The following DYNLRB2 variants were observed in gnomAD, a reference collection of about 807,000 sequenced individuals.
The protein encoded by DYNLRB2 is bithoraxoid-like protein.
DYNLRB2 carries 14 observed loss-of-function variants against 12.6 expected under a neutral mutation model. That is an observed-to-expected ratio of 1.11 (90% CI 0.73 to 1.73). The LOEUF (loss-of-function observed/expected upper bound fraction) is 1.73. DYNLRB2 is among the 40% of genes most tolerant of loss of function. The pLI, the probability that DYNLRB2 is intolerant of heterozygous loss-of-function variation, is 0.00. For synonymous variants in DYNLRB2, 53 were observed against 37.0 expected (o/e 1.43, Z -1.57); for missense variants, 142 against 117.7 (o/e 1.21, Z -0.95).
rs575077879 is a variant in DYNLRB2, at chr16:80,549,556, T to A, written c.152T>A (p.Met51Lys). ...GCAGGCCTTCTTCATCACCTGACAATGAAAGCCAAAAGCACAGTTCGTGAT... is the reference window on the plus strand; with the variant it reads ...GCAGGCCTTCTTCATCACCTGACAAAGAAAGCCAAAAGCACAGTTCGTGAT... ...QYAGLLHHLT[M>K]KAKSTVRDID... The change falls in exon 3 of 4, where the codon ATG becomes AAG. Residue 51 changes from methionine to lysine, a missense_variant. Met to Lys is a moderately conservative substitution (Grantham distance 95, BLOSUM62 -1). Transcript: ENST00000305904. 3.7e-6 allele frequency: 6 copies of A among 1,613,500 alleles called. No individual in the cohort carries two copies. The South Asian group carries it at 5.5e-5, about 15-fold the overall frequency.
At chr16:80,549,692 A>G in intron 3 of DYNLRB2, 41 bp downstream of exon 3, 1 of 1,536,390 alleles carries the variant, frequency 6.5e-7, no homozygotes, top group Non-Finnish European at 8.8e-7. Context: ...CATCTTTCTA[A>G]TTTGCTAGAT....
intron 1 of DYNLRB2, chr16:80,541,340 A>G: frequency 2.0e-6 from 2 of 984,428 alleles, no homozygotes; most frequent in Non-Finnish European, 2.4e-6. Context: ...GAAAGGGAAG[A>G]GAGAGATTCA....
At position 80,541,008 on chromosome 16, in the gene DYNLRB2, C is replaced by T. The variant is rs751774105; in HGVS notation, c.-69C>T. On this transcript the variant is annotated 5_prime_UTR_variant, in exon 1 of 4. Coordinates refer to ENST00000305904, the MANE Select transcript of DYNLRB2 (RefSeq NM_130897.3). The stretch of plus-strand genomic sequence containing the variant: ...TTCCTTTTTTGTCTCCTAGCAACGG[C>T]GGGTAGCGTTGTTGACATCCCGGGA... 3.0e-5 allele frequency: 48 copies of T among 1,579,574 alleles called. No individual in the cohort carries two copies. Among genetic ancestry groups the T allele is most frequent in the Non-Finnish European group, 4.1e-5 (47 of 1,158,962 alleles).
At chr16:80,541,175 C>T in intron 1 of DYNLRB2, 96 bp downstream of exon 1, 1 of 1,502,560 alleles carries the variant, frequency 6.7e-7, no homozygotes, top group Non-Finnish European at 8.9e-7. Context: ...CAGGCACGGG[C>T]GGTCCAGGGG....
chr16:80,540,741 T>C, upstream of DYNLRB2: 6 of 702,674 alleles, frequency 8.5e-6, no homozygotes, highest in Non-Finnish European at 1.6e-5. Flanking sequence ...TAAGTGGTTA[T>C]CACATTAATT....
chr16:80,550,475 T>A, intron 3 of DYNLRB2, 40 bp from the exon 4 acceptor site: 1 of 1,611,284 alleles, frequency 6.2e-7, no homozygotes, highest in African/African-American at 1.3e-5. Context: ...TTGATTAAAT[T>A]TAAATTAAGG....
At chr16:80,548,988 A>G (rs1288094819) in intron 2 of DYNLRB2, 2 of 455,890 alleles carry the variant, frequency 4.4e-6, no homozygotes, top group Admixed American at 4.7e-5. Flanking sequence ...TTCAGAGCAG[A>G]CTCACTATAG....
chr16:80,547,590 G>A (rs980397873), intron 2 of DYNLRB2, among the ~76,000 whole-genome samples: 1 of 152,130 alleles, frequency 6.6e-6, no homozygotes, highest in African/African-American at 2.4e-5. Context: ...TCATAATCCT[G>A]TCATCTACAT....
chr16:80,540,976 G>C (rs1297733508), upstream of DYNLRB2: 41 of 1,574,520 alleles, frequency 2.6e-5, no homozygotes, highest in East Asian at 9.2e-4. Context: ...CGCTTCCGTG[G>C]GGCCACTTCC....
chr16:80,545,224 C>T (rs1422995312), intron 2 of DYNLRB2, among the ~76,000 whole-genome samples: 1 of 152,012 alleles, frequency 6.6e-6, no homozygotes, highest in Non-Finnish European at 1.5e-5. Flanking sequence ...AGCAATTTAT[C>T]CTAAAGAGTG....
At chr16:80,540,761 A>T, upstream of DYNLRB2, 3 of 702,752 alleles carry the variant, frequency 4.3e-6, no homozygotes, top group Non-Finnish European at 7.8e-6. Context: ...TCGTGCCTCA[A>T]TGAATGAATG....
rs1597096459 is a variant in DYNLRB2 at position 80,550,691 on chromosome 16, G to A, written c.*133G>A. 3.0e-6 allele frequency: 3 copies of A among 987,846 alleles called. No individual in the cohort carries two copies. Among genetic ancestry groups the A allele is most frequent in the South Asian group, 2.9e-5 (2 of 68,712 alleles). The allele number at this position is 987,846 out of a possible 1,614,324, so 61.2% of individuals were successfully genotyped here. On this transcript the variant is annotated 3_prime_UTR_variant, in exon 4 of 4. Coordinates refer to ENST00000305904, the MANE Select transcript of DYNLRB2 (RefSeq NM_130897.3). ...TCTATTTCTATATCTAAACTGTTCT[G>A]CATGTCTCATTTAGTCCCTTTTGAT... is the stretch of plus-strand genomic sequence containing the variant.
intron 2 of DYNLRB2, among the ~76,000 whole-genome samples, chr16:80,547,350 G>A (rs1381603817): frequency 6.6e-6 from 1 of 152,070 alleles, no homozygotes; most frequent in African/African-American, 2.4e-5. Context: ...GAAGGGAAGT[G>A]GGTAAATTTT....
rs762750635 is a variant in DYNLRB2 at position 80,543,359 on chromosome 16, T to C, written c.79+8T>C. On this transcript the variant is annotated splice_region_variant and intron_variant, in intron 2 of 3. Coordinates refer to ENST00000305904, the MANE Select transcript of DYNLRB2 (RefSeq NM_130897.3). The stretch of plus-strand genomic sequence containing the variant: ...TGGTTGTAAATGCAGAAGGTAAATA[T>C]ATCACAGGCTGTCTTCTTGACACAC... 7 of 1,613,720 alleles carry C rather than the reference T, an allele frequency of 4.3e-6. No homozygotes were observed. Among genetic ancestry groups the C allele is most frequent in the Middle Eastern group, 3.3e-4 (2 of 6,056 alleles).
At chr16:80,548,908 T>C (rs970413856) in intron 2 of DYNLRB2, 5 of 456,002 alleles carry the variant, frequency 1.1e-5, no homozygotes, top group Admixed American at 7.0e-5. Flanking sequence ...CCCTCTAGCA[T>C]GTGCAGTGAT....
At chr16:80,549,840 C>A (rs1904729941) in intron 3 of DYNLRB2, among the ~76,000 whole-genome samples, 189 bp downstream of exon 3, 1 of 152,102 alleles carries the variant, frequency 6.6e-6, no homozygotes, top group Admixed American at 6.5e-5. Context: ...ATTAATATGA[C>A]CCATGACTTT....
intron 2 of DYNLRB2, chr16:80,547,802 T>C (rs1597093234): frequency 2.2e-6 from 1 of 456,544 alleles, no homozygotes; most frequent in East Asian, 6.9e-5. Flanking sequence ...GCTGACTGCC[T>C]TCCAGAGAAA....
chr16:80,548,184 C>G (rs1047327437), intron 2 of DYNLRB2: 1 of 165,476 alleles, frequency 6.0e-6, no homozygotes, highest in African/African-American at 2.4e-5. Flanking sequence ...CATATCTCCT[C>G]CTAAAATAAA....
At position 80,545,220 on chromosome 16, in the gene DYNLRB2, T is replaced by G. The variant is rs116108175; in HGVS notation, c.79+1869T>G. 8.0e-3 allele frequency among the ~76,000 whole-genome samples: 1,223 copies of G among 152,252 alleles called. 16 individuals are homozygous for G. Among genetic ancestry groups the G allele is most frequent in the African/African-American group, 0.028 (1,162 of 41,508 alleles). Reference sequence around the variant, plus strand: ...GATCTATAATTTTACTCCTAGCAATTTATCCTAAAGAGTGATGAAGAAAAT... The same window carrying G: ...GATCTATAATTTTACTCCTAGCAATGTATCCTAAAGAGTGATGAAGAAAAT... On this transcript the variant is annotated intron_variant, in intron 2 of 3. Transcript: ENST00000305904.
Sources: allele counts gnomAD v4.1 joint callset (sites outside exome capture counted in the v4.1 genomes callset), GRCh38; gene constraint gnomAD v4.1.1; transcripts MANE v1.5; gene names NCBI Gene and HGNC (gene_info 2026-07-23, HGNC 2026-07-21).